CDH6: variants seen among roughly 807,000 people sequenced by gnomAD.
The protein encoded by CDH6 is cadherin-6.
A neutral mutation model predicts 78.0 loss-of-function variants in CDH6; 31 were observed. The ratio of observed to expected loss-of-function variants is 0.40; its 90% CI spans 0.30 to 0.54. The LOEUF is 0.54. CDH6 is among the 20% of genes least tolerant of loss of function. The probability of loss-of-function intolerance (pLI) is 0.56; values close to 1 mark genes in which losing one functional copy is unlikely to be tolerated. For missense variants in CDH6, 724 were observed against 975.9 expected (o/e 0.74, Z 3.44); for synonymous variants, 376 against 368.8 (o/e 1.02, Z -0.23).
At chr5:31,318,670 C>G (rs1738396085) in intron 11 of CDH6, 1 of 229,318 alleles carries the variant, frequency 4.4e-6, no homozygotes, top group South Asian at 1.8e-4. Flanking sequence ...TGACTGTGAA[C>G]TAAGAAATCA....
chr5:31,309,759 A>G, intron 7 of CDH6, among the ~76,000 whole-genome samples: 1 of 152,220 alleles, frequency 6.6e-6, no homozygotes, highest in East Asian at 1.9e-4. Context: ...GAAACTTACA[A>G]TCATAGCAGA....
At position 31,294,655 on chromosome 5, in the gene CDH6, G is replaced by A. The variant is rs771930689; in HGVS notation, c.523+399G>A. On this transcript the variant is annotated intron_variant, in intron 3 of 11. Transcript: ENST00000265071. The surrounding 1 kb of genome is among the most constrained non-coding windows in gnomAD (Gnocchi z 4.1). ...AATAAAAGCTTACATTTACAATCCA[G>A]TCTAAAAAGTAGTGATAGTTGCTTT... is the stretch of plus-strand genomic sequence containing the variant. 4.6e-5 allele frequency among the ~76,000 whole-genome samples: 7 copies of A among 152,138 alleles called. No homozygotes were observed. The highest frequency in any genetic ancestry group is 7.2e-5 in the African/African-American group (3 of 41,438).
intron 1 of CDH6, among the ~76,000 whole-genome samples, chr5:31,215,765 G>C (rs1337188503): frequency 6.6e-6 from 1 of 152,120 alleles, no homozygotes; most frequent in East Asian, 1.9e-4. Flanking sequence ...ACATTATTAG[G>C]AAGATTGAAT....
intron 1 of CDH6, among the ~76,000 whole-genome samples, chr5:31,228,827 T>G (rs1223025317): frequency 2.6e-5 from 4 of 152,198 alleles, no homozygotes; most frequent in African/African-American, 9.6e-5. Context: ...GCCGGGTTCC[T>G]AACAGGCTGC....
chr5:31,227,531 A>C (rs2111844849), intron 1 of CDH6, among the ~76,000 whole-genome samples: 1 of 152,258 alleles, frequency 6.6e-6, no homozygotes, highest in South Asian at 2.1e-4. Flanking sequence ...CCAGCGTTCT[A>C]GAATAGAATG....
At chr5:31,212,088 A>G (rs1727535372) in intron 1 of CDH6, among the ~76,000 whole-genome samples, 1 of 152,230 alleles carries the variant, frequency 6.6e-6, no homozygotes, top group Non-Finnish European at 1.5e-5. Context: ...TACCTTGTCC[A>G]AAAGATGCCC....
At chr5:31,246,532 C>T (rs573767367) in intron 1 of CDH6, among the ~76,000 whole-genome samples, 13 of 152,248 alleles carry the variant, frequency 8.5e-5, no homozygotes, top group African/African-American at 2.2e-4. Context: ...GTTTCTCCAG[C>T]GCAGCCCAGG....
intron 3 of CDH6, among the ~76,000 whole-genome samples, chr5:31,296,836 A>G (rs1422826038): frequency 2.0e-5 from 3 of 152,144 alleles, no homozygotes; most frequent in African/African-American, 7.2e-5. Context: ...TAGCTGCTGC[A>G]AATGTATATC....
intron 1 of CDH6, among the ~76,000 whole-genome samples, chr5:31,220,138 A>T (rs1740968218): frequency 6.6e-6 from 1 of 152,188 alleles, no homozygotes; most frequent in Non-Finnish European, 1.5e-5. Flanking sequence ...TTTCTGTGAC[A>T]CATCTTCCAT....
chr5:31,251,303 T>G (rs1278355565), intron 1 of CDH6: 1 of 152,336 alleles, frequency 6.6e-6, no homozygotes, highest in African/African-American at 2.4e-5. Flanking sequence ...ATGAATGCCT[T>G]CACTGCATCC....
At chr5:31,254,395 T>G (rs186332446) in intron 1 of CDH6, among the ~76,000 whole-genome samples, 2 of 152,348 alleles carry the variant, frequency 1.3e-5, no homozygotes, top group Admixed American at 1.3e-4. Flanking sequence ...GAACGAATCT[T>G]CTATTCATTT....
intron 1 of CDH6, among the ~76,000 whole-genome samples, chr5:31,247,823 G>T (rs962295529): frequency 6.6e-6 from 1 of 152,122 alleles, no homozygotes; most frequent in Non-Finnish European, 1.5e-5. Flanking sequence ...AGTTTTCCAG[G>T]TTTATATAAA....
chr5:31,209,796 TC>T (rs1268309331), intron 1 of CDH6, among the ~76,000 whole-genome samples: 2 of 152,198 alleles, frequency 1.3e-5, no homozygotes, highest in African/African-American at 2.4e-5. Context: ...TCTATCTCCC[TC>T]CTGCTATCCT....
intron 7 of CDH6, among the ~76,000 whole-genome samples, chr5:31,309,601 C>T (rs189795956): frequency 6.1e-4 from 85 of 139,308 alleles, no homozygotes; most frequent in African/African-American, 2.2e-3. Flanking sequence ...CTCTGTAATA[C>T]CCCACCCCCA....
chr5:31,309,133 T>C (rs1738078750), intron 7 of CDH6, among the ~76,000 whole-genome samples: 1 of 152,142 alleles, frequency 6.6e-6, no homozygotes, highest in African/African-American at 2.4e-5. Flanking sequence ...TTCAACCCTT[T>C]TGATAATAAA....
chr5:31,226,467 G>A (rs926030859), intron 1 of CDH6, among the ~76,000 whole-genome samples: 30 of 152,262 alleles, frequency 2.0e-4, no homozygotes, highest in Admixed American at 3.3e-4. Context: ...GAGCCACTGC[G>A]CCCGGCCCAG....
At chr5:31,289,654 T>A (rs1266573284) in intron 2 of CDH6, among the ~76,000 whole-genome samples, 2 of 152,208 alleles carry the variant, frequency 1.3e-5, no homozygotes, top group African/African-American at 2.4e-5. Context: ...CTGTTTTCTG[T>A]CTTAACAATG....
At chr5:31,239,260 C>T (rs1185026176) in intron 1 of CDH6, among the ~76,000 whole-genome samples, 2 of 152,198 alleles carry the variant, frequency 1.3e-5, no homozygotes, top group East Asian at 3.9e-4. Context: ...AAACTGAGGC[C>T]TAGAGAAGTT....
intron 1 of CDH6, among the ~76,000 whole-genome samples, chr5:31,228,538 T>A (rs1741228012): frequency 6.6e-6 from 1 of 152,170 alleles, no homozygotes; most frequent in Non-Finnish European, 1.5e-5. Flanking sequence ...TCCTAGGCAG[T>A]GGTCCCCAAC....
Sources: allele counts gnomAD v4.1 joint callset (sites outside exome capture counted in the v4.1 genomes callset), GRCh38; gene constraint gnomAD v4.1.1; non-coding constraint Gnocchi (gnomAD v3.1); transcripts MANE v1.5; gene names NCBI Gene and HGNC (gene_info 2026-07-23, HGNC 2026-07-21).